OMG: variants seen among roughly 807,000 people sequenced by gnomAD.
OMG encodes oligodendrocyte-myelin glycoprotein.
OMG carries 9 observed loss-of-function variants against 26.2 expected under a neutral mutation model. The ratio of observed to expected loss-of-function variants is 0.34; its 90% CI spans 0.21 to 0.60. OMG has a LOEUF of 0.60. OMG is among the 20% of genes least tolerant of loss of function. The pLI is 0.80. For synonymous variants in OMG, 179 were observed against 190.4 expected (o/e 0.94, Z 0.49); for missense variants, 402 against 513.6 (o/e 0.78, Z 2.10).
In OMG at chr17:31,296,173, C is replaced by T. The variant is rs1286707199; in HGVS notation, c.159G>A (p.Leu53=). Residue 53 remains leucine (L), a synonymous_variant, in exon 2 of 2, where the codon CTG becomes CTA. Coordinates refer to ENST00000247271, the MANE Select transcript of OMG (RefSeq NM_002544.5). ...GGTTTAAATGTATAATATTCTCTTG[C>T]AGTCCAGATGGTAATGTAGACAAGT... ...GRNLSTLPSG[L]QENIIHLNLS... is the part of the protein sequence containing the mutation. The T allele has an allele frequency of 1.2e-6, 2 of 1,612,676 alleles. No homozygotes were observed. The highest frequency in any genetic ancestry group is 1.7e-6 in the Non-Finnish European group (2 of 1,179,032).
In OMG at chr17:31,294,830, G is replaced by T; in HGVS notation, c.*179C>A. The T allele has an allele frequency of 1.4e-6, 1 of 729,646 alleles. No homozygotes were observed. The highest frequency in any genetic ancestry group is 2.3e-6 in the Non-Finnish European group (1 of 437,118). 45.2% of individuals were successfully genotyped at this position (729,646 alleles called of 1,614,324 possible). The stretch of plus-strand genomic sequence containing the variant: ...ACAGTAAAATAGCAGCAAGTACCAA[G>T]ACATTGTGCATTTCTTTTATTTAAG... On this transcript the variant is annotated 3_prime_UTR_variant, in exon 2 of 2. Coordinates refer to ENST00000247271, the MANE Select transcript of OMG (RefSeq NM_002544.5).
rs577741009 is a variant in OMG at position 31,296,352 on chromosome 17, A to G, written c.-6-15T>C. The G allele has an allele frequency of 4.3e-6, 7 of 1,613,768 alleles. No homozygotes were observed. The African/African-American group carries it at 8.0e-5, about 18-fold the overall frequency. The stretch of plus-strand genomic sequence containing the variant: ...TCCATCAAAGCCTAGAAACAAACAG[A>G]TACACCCTTCTTTTAATATGCAAAT... On this transcript the variant is annotated splice_polypyrimidine_tract_variant and intron_variant, in intron 1 of 1. Transcript: ENST00000247271.
chr17:31,295,311 C>T lies in OMG; in HGVS notation c.1021G>A (p.Glu341Lys), dbSNP rs1157425063. The T allele has an allele frequency of 6.2e-7, 1 of 1,614,082 alleles. No individual in the cohort carries two copies. Among genetic ancestry groups the T allele is most frequent in the Non-Finnish European group, 8.5e-7 (1 of 1,180,012 alleles). ...FVPYPEDTST[E>K]TINSHEAAAA... The stretch of plus-strand genomic sequence containing the variant: ...GCTGCTTCATGTGAATTGATAGTCT[C>T]TGTGGATGTATCTTCTGGATAGGGC... The change falls in exon 2 of 2, where the codon GAG becomes AAG. Residue 341 changes from glutamate (E) to lysine (K), a missense_variant. Physicochemically the swap from Glu to Lys is moderately conservative, Grantham distance 56 (BLOSUM62 1). Transcript: ENST00000247271.
rs1567879620 is a variant in OMG, at chr17:31,296,008, G to A, written c.324C>T (p.Asn108=). 3 of 1,614,136 alleles carry A rather than the reference G, an allele frequency of 1.9e-6. No individual in the cohort carries two copies. The highest frequency in any genetic ancestry group is 2.5e-6 in the Non-Finnish European group (3 of 1,180,000). The change falls in exon 2 of 2, where the codon AAC becomes AAT. Residue 108 remains asparagine (N), a synonymous_variant. Transcript: ENST00000247271. ...ATTTGTCAAGAAGTTTAATGTTGTT[G>A]TTAGCAGCAGACATGTTCCACAGAG... is the stretch of plus-strand genomic sequence containing the variant. ...PRSLWNMSAA[N]NNIKLLDKSD... is the part of the protein sequence containing the mutation.
Position 31,295,524 on chromosome 17 carries a change from G to T in OMG, c.808C>A (p.Pro270Thr). The T allele has an allele frequency of 1.2e-6, 2 of 1,614,154 alleles. No individual in the cohort carries two copies. The highest frequency in any genetic ancestry group is 8.5e-7 in the Non-Finnish European group (1 of 1,180,012). ...SLKEHNMYPT[P>T]SGFTSSLFTV... ...AATAAGCTTGAGGTAAATCCAGAAG[G>T]TGTGGGATACATGTTATGTTCCTTT... Residue 270 changes from proline to threonine, a missense_variant, in exon 2 of 2, where the codon CCT (proline) becomes ACT (threonine). By Grantham distance (38) the Pro-to-Thr change is conservative. Transcript: ENST00000247271.
chr17:31,296,433 T>A (rs2151500255), intron 1 of OMG, 96 bp from the exon 2 acceptor site: 1 of 1,120,258 alleles, frequency 8.9e-7, no homozygotes, highest in Non-Finnish European at 1.4e-6. Context: ...TCAATAAACC[T>A]CGTTGTTGTC....
Position 31,295,478 on chromosome 17 carries a change from G to C in OMG, c.854C>G (p.Thr285Arg). 1 of 1,614,160 alleles carries C rather than the reference G, an allele frequency of 6.2e-7. No homozygotes were observed. The highest frequency in any genetic ancestry group is 8.5e-7 in the Non-Finnish European group (1 of 1,180,016). Reference sequence around the variant, plus strand: ...ACTCAGAGAGTTAATGGTGTCCACTGTCTGCATCCCACTTACAGTGAATAA... The same window carrying C: ...ACTCAGAGAGTTAATGGTGTCCACTCTCTGCATCCCACTTACAGTGAATAA... ...SSLFTVSGMQ[T>R]VDTINSLSVV... Residue 285 changes from threonine to arginine, a missense_variant, in exon 2 of 2, where the codon ACA (threonine) becomes AGA (arginine). Around this residue, in one of 3 missense-constraint regions of OMG, gnomAD observed 247 missense variants for 274.7 expected, o/e 0.90. Coordinates refer to ENST00000247271, the MANE Select transcript of OMG (RefSeq NM_002544.5).
At chr17:31,296,577 T>G (rs937697290) in intron 1 of OMG, 8 of 499,832 alleles carry the variant, frequency 1.6e-5, no homozygotes, top group Non-Finnish European at 2.9e-5. Context: ...ATTTTCTCCT[T>G]TATTTTCTCT....
chr17:31,295,100 A>T lies in OMG; in HGVS notation c.1232T>A (p.Val411Glu), dbSNP rs139076681. The change falls in exon 2 of 2, where the codon GTA (valine) becomes GAA (glutamate). Residue 411 changes from valine (V) to glutamate (E), a missense_variant. By Grantham distance (121) the Val-to-Glu change is moderately radical. This residue lies in a region of OMG where 247 missense variants were observed against 274.7 expected (regional missense o/e 0.90). Transcript: ENST00000247271. ...NLWREETTTN[V>E]KTPLPSVANA... Reference sequence around the variant, plus strand: ...TGCCACAGAAGGTAATGGAGTCTTTACATTTGTGGTTGTCTCTTCCCTCCA... The same window carrying T: ...TGCCACAGAAGGTAATGGAGTCTTTTCATTTGTGGTTGTCTCTTCCCTCCA... The T allele has an allele frequency of 9.3e-6, 15 of 1,614,034 alleles. No individual in the cohort carries two copies. The African/African-American group carries it at 2.0e-4, about 22-fold the overall frequency.
In OMG at chr17:31,295,642, G is replaced by A. The variant is rs2068447712; in HGVS notation, c.690C>T (p.Asp230=). Reference sequence around the variant, plus strand: ...GTAAGTAAGTAATGTTTTGTTTGTGGTCACATGACCACCTGTTATTGTAAA... The same window carrying A: ...GTAAGTAAGTAATGTTTTGTTTGTGATCACATGACCACCTGTTATTGTAAA... ...ITLYNNRWSC[D]HKQNITYLLK... The change falls in exon 2 of 2, where the codon GAC becomes GAT. Residue 230 remains aspartate, a synonymous_variant. Transcript: ENST00000247271. 4 of 1,613,972 alleles carry A rather than the reference G, an allele frequency of 2.5e-6. No homozygotes were observed. The African/African-American group carries it at 5.3e-5, about 22-fold the overall frequency.
chr17:31,296,925 A>G (rs571396110), intron 1 of OMG: 1 of 153,460 alleles, frequency 6.5e-6, no homozygotes, highest in Non-Finnish European at 1.5e-5. Flanking sequence ...CTCACATTTT[A>G]TAAAGTGATT....
Position 31,294,907 on chromosome 17 carries a change from G to C in OMG, c.*102C>G. 1 of 1,490,760 alleles carries C rather than the reference G, an allele frequency of 6.7e-7. No homozygotes were observed. Among genetic ancestry groups the C allele is most frequent in the Non-Finnish European group, 9.3e-7 (1 of 1,072,690 alleles). The allele number at this position is 1,490,760 out of a possible 1,614,324, so 92.3% of individuals were successfully genotyped here. A position where few individuals can be genotyped will look rare whatever the true frequency, so the allele number is the denominator to read the frequency against. On this transcript the variant is annotated 3_prime_UTR_variant, in exon 2 of 2. Coordinates refer to ENST00000247271, the MANE Select transcript of OMG (RefSeq NM_002544.5). ...TAGAAATGTTAAGACTGGCTTTCTT[G>C]AATACTTAAATATAGCTCGAATCAC...
chr17:31,294,947 C>T lies in OMG; in HGVS notation c.*62G>A. On this transcript the variant is annotated 3_prime_UTR_variant, in exon 2 of 2. Coordinates refer to ENST00000247271, the MANE Select transcript of OMG (RefSeq NM_002544.5). ...GCTCGAATCACTGGTTAGATATGGA[C>T]ATATTTTCCCAACTGTACATCAGGG... The T allele has an allele frequency of 1.9e-6, 3 of 1,607,144 alleles. No individual in the cohort carries two copies. Among genetic ancestry groups the T allele is most frequent in the Non-Finnish European group, 2.6e-6 (3 of 1,174,238 alleles).
rs142898271 is a variant in OMG at position 31,295,623 on chromosome 17, A to G, written c.709T>C (p.Tyr237His). ...GTTTCCATCATCCACTTCAGTAAGT[A>G]AGTAATGTTTTGTTTGTGGTCACAT... ...WSCDHKQNIT[Y>H]LLKWMMETKA... Residue 237 changes from tyrosine to histidine, a missense_variant, in exon 2 of 2, where the codon TAC (tyrosine) becomes CAC (histidine). This residue lies in a region of OMG where 247 missense variants were observed against 274.7 expected (regional missense o/e 0.90). Transcript: ENST00000247271. The G allele has an allele frequency of 1.5e-5, 25 of 1,614,044 alleles. No homozygotes were observed. In the African/African-American group the frequency reaches 2.8e-4, roughly 18 times the overall value.
intron 1 of OMG, chr17:31,296,598 C>G (rs894863122): frequency 3.3e-5 from 15 of 454,626 alleles, no homozygotes; most frequent in Admixed American, 1.4e-4. Flanking sequence ...CTCCCTCCCC[C>G]CTTTTCTAAC....
Position 31,295,254 on chromosome 17 carries a change from C to A in OMG, c.1078G>T (p.Gly360Ter). ...AATLTIHLQDGMVTNTSLTSS... is the reference protein window; with the variant it reads ...AATLTIHLQD The stretch of plus-strand genomic sequence containing the variant: ...GTGAGGCTTGTGTTTGTGACCATTC[C>A]ATCTTGGAGATGAATAGTTAGAGTT... Residue 360 changes from glycine to a stop codon, truncating the protein, a stop_gained, in exon 2 of 2, where the codon GGA becomes TGA. Coordinates refer to ENST00000247271, the MANE Select transcript of OMG (RefSeq NM_002544.5). LOFTEE classifies it high-confidence loss of function. 1 of 1,613,984 alleles carries A rather than the reference C, an allele frequency of 6.2e-7. No homozygotes were observed. The highest frequency in any genetic ancestry group is 8.5e-7 in the Non-Finnish European group (1 of 1,179,976).
In OMG at chr17:31,296,357, C is replaced by A. The variant is rs918529623; in HGVS notation, c.-6-20G>T. ...CAAAGCCTAGAAACAAACAGATACA[C>A]CCTTCTTTTAATATGCAAATACAGT... On this transcript the variant is annotated intron_variant, in intron 1 of 1. Transcript: ENST00000247271. 6.2e-7 allele frequency: 1 copy of A among 1,613,420 alleles called. No homozygotes were observed. Among genetic ancestry groups the A allele is most frequent in the Non-Finnish European group, 8.5e-7 (1 of 1,179,580 alleles).
chr17:31,294,713 A>G lies in OMG; in HGVS notation c.*296T>C, dbSNP rs945027448. The G allele has an allele frequency of 7.1e-6, 3 of 425,424 alleles. No individual in the cohort carries two copies. 26.4% of individuals were successfully genotyped at this position (425,424 alleles called of 1,614,324 possible). A position where few individuals can be genotyped will look rare whatever the true frequency, so the allele number is the denominator to read the frequency against. ...TAAACATACATAAAATACATATTAA[A>G]GTTTAGATGCTTTATATTTTGTGCA... is the stretch of plus-strand genomic sequence containing the variant. On this transcript the variant is annotated 3_prime_UTR_variant, in exon 2 of 2. Coordinates refer to ENST00000247271, the MANE Select transcript of OMG (RefSeq NM_002544.5).
rs757057473 is a variant in OMG at position 31,295,162 on chromosome 17, G to T, written c.1170C>A (p.Phe390Leu). 1.2e-6 allele frequency: 2 copies of T among 1,614,068 alleles called. No homozygotes were observed. Among genetic ancestry groups the T allele is most frequent in the Admixed American group, 1.7e-5 (1 of 59,996 alleles). Residue 390 changes from phenylalanine to leucine, a missense_variant, in exon 2 of 2, where the codon TTC becomes TTA. Phe to Leu is a conservative substitution (Grantham distance 22, BLOSUM62 0). Transcript: ENST00000247271. ...TTGTGCTTTGTTGAGGCATTTCAGAGAAATTATTTGGCATGCCACTAGTGA... is the reference window on the plus strand; with the variant it reads ...TTGTGCTTTGTTGAGGCATTTCAGATAAATTATTTGGCATGCCACTAGTGA... ...LSITSGMPNNFSEMPQQSTTL... is the reference protein window; with the variant it reads ...LSITSGMPNNLSEMPQQSTTL...
Sources: allele counts gnomAD v4.1 joint callset, GRCh38; gene constraint gnomAD v4.1.1; regional missense constraint gnomAD v4.1.1; transcripts MANE v1.5; gene names NCBI Gene and HGNC (gene_info 2026-07-23, HGNC 2026-07-21).